Variants in SPATA13 observed in about 807,000 individuals in gnomAD.
SPATA13 encodes spermatogenesis-associated protein 13.
In SPATA13, 50 loss-of-function variants were observed where a neutral mutation model predicts 104.0. The ratio of observed to expected loss-of-function variants is 0.48; its 90% CI spans 0.38 to 0.61. The LOEUF (loss-of-function observed/expected upper bound fraction) is 0.61, where lower values mean the gene tolerates loss of function less well. Ranked by LOEUF, SPATA13 falls within the 20% of genes least tolerant of loss-of-function variation. The probability of loss-of-function intolerance (pLI) is 0.00; values close to 1 mark genes in which losing one functional copy is unlikely to be tolerated. For synonymous variants in SPATA13, 606 were observed against 667.5 expected (o/e 0.91, Z 1.42); for missense variants, 1,524 against 1,690.6 (o/e 0.90, Z 1.73).
At chr13:24,053,857 T>C (rs1004922380) in intron 3 of SPATA13, among the ~76,000 whole-genome samples, 2 of 152,240 alleles carry the variant, frequency 1.3e-5, no homozygotes, top group African/African-American at 4.8e-5. Flanking sequence ...GAATGGATTC[T>C]TGTTAATGCC....
intron 1 of SPATA13, among the ~76,000 whole-genome samples, chr13:24,192,172 G>T (rs990048490): frequency 6.6e-6 from 1 of 152,052 alleles, no homozygotes; most frequent in African/African-American, 2.4e-5. Flanking sequence ...CTCATAGGGG[G>T]CACAAAAGCA....
At chr13:24,007,531 A>ACTGCGACCT (rs528902950) in intron 2 of SPATA13, among the ~76,000 whole-genome samples, 10 of 152,204 alleles carry the variant, frequency 6.6e-5, no homozygotes, top group Non-Finnish European at 1.0e-4. Flanking sequence ...AACTTGGCCC[A>ACTGCGACCT]CTGCGACCTC....
At chr13:24,280,738 A>T (rs901517731) in intron 4 of SPATA13, among the ~76,000 whole-genome samples, 6 of 152,044 alleles carry the variant, frequency 3.9e-5, no homozygotes, top group African/African-American at 1.5e-4. Context: ...CTTTGTCTTC[A>T]GTGTTGTTTC....
At chr13:24,163,472 C>T (rs928758750) in intron 1 of SPATA13, among the ~76,000 whole-genome samples, 25 of 152,168 alleles carry the variant, frequency 1.6e-4, no homozygotes, top group African/African-American at 3.6e-4. Context: ...TTGAGAGTTC[C>T]GTTTCACTTT....
intron 3 of SPATA13, among the ~76,000 whole-genome samples, chr13:24,044,233 CTTT>C (rs67709070): frequency 0.14 from 17,235 of 122,944 alleles, 1,105 homozygotes; most frequent in Non-Finnish European, 0.17. Flanking sequence ...TTCTTTCTTT[CTTT>C]TTTTTTTTTT....
intron 3 of SPATA13, among the ~76,000 whole-genome samples, chr13:24,046,374 C>T (rs1566084491): frequency 1.3e-5 from 2 of 151,006 alleles, no homozygotes; most frequent in South Asian, 2.1e-4. Context: ...CTCACTGACA[C>T]CTCTGACTCC....
intron 3 of SPATA13, among the ~76,000 whole-genome samples, chr13:24,057,370 C>T (rs1472855461): frequency 6.6e-6 from 1 of 152,082 alleles, no homozygotes; most frequent in East Asian, 1.9e-4. Context: ...AATTTTCCCC[C>T]TCTATCTGCA....
intron 9 of SPATA13, among the ~76,000 whole-genome samples, chr13:24,293,874 A>G (rs892440499): frequency 2.6e-5 from 4 of 152,240 alleles, no homozygotes; most frequent in Admixed American, 2.0e-4. Context: ...TCTGCTTTCA[A>G]GGCTTTCCCA....
At chr13:24,006,862 G>T (rs1257378234) in intron 2 of SPATA13, among the ~76,000 whole-genome samples, 2 of 152,226 alleles carry the variant, frequency 1.3e-5, no homozygotes, top group South Asian at 4.1e-4. Context: ...GATGGTGTAG[G>T]GGGAGAGGAT....
At chr13:24,080,006 C>T (rs960939584) in intron 3 of SPATA13, among the ~76,000 whole-genome samples, 1 of 152,086 alleles carries the variant, frequency 6.6e-6, no homozygotes, top group Non-Finnish European at 1.5e-5. Context: ...AACTCCAGTG[C>T]CTCAAAATGG....
intron 3 of SPATA13, among the ~76,000 whole-genome samples, chr13:24,083,274 G>A (rs745918): frequency 0.44 from 67,449 of 152,102 alleles, 15,025 homozygotes; most frequent in East Asian, 0.51. Context: ...CTTGCAGGCC[G>A]TGAGTGACAC....
chr13:24,147,272 T>C (rs1881963580), intron 3 of SPATA13, among the ~76,000 whole-genome samples: 1 of 152,248 alleles, frequency 6.6e-6, no homozygotes, highest in Non-Finnish European at 1.5e-5. Context: ...GGAGATAGAA[T>C]GATGACCGTA....
At chr13:24,136,920 C>T (rs1881590669) in intron 3 of SPATA13, among the ~76,000 whole-genome samples, 1 of 44,204 alleles carries the variant, frequency 2.3e-5, no homozygotes, top group South Asian at 8.5e-4. Flanking sequence ...AGCTCCGCCT[C>T]CCAGGTTCAC....
chr13:24,006,256 A>G (rs964083846), intron 2 of SPATA13, among the ~76,000 whole-genome samples: 1 of 152,214 alleles, frequency 6.6e-6, no homozygotes, highest in Non-Finnish European at 1.5e-5. Context: ...TATTCCCAGT[A>G]TTCATAAGAT....
intron 4 of SPATA13, chr13:24,271,020 C>A: frequency 1.3e-6 from 1 of 746,550 alleles, no homozygotes; most frequent in South Asian, 1.5e-5. Context: ...CACTCTCTCT[C>A]ACTCTCTCTC....
chr13:24,135,851 T>A (rs1054819832), intron 3 of SPATA13, among the ~76,000 whole-genome samples: 3 of 152,094 alleles, frequency 2.0e-5, no homozygotes, highest in Non-Finnish European at 4.4e-5. Flanking sequence ...AAGCTTAGGA[T>A]CATCTGGAGT....
chr13:24,023,292 G>A (rs1188388129), intron 3 of SPATA13, among the ~76,000 whole-genome samples: 2 of 152,136 alleles, frequency 1.3e-5, no homozygotes, highest in Admixed American at 6.6e-5. Context: ...AGTATTCCAT[G>A]GTGTGTATGC....
At chr13:23,984,520 C>A (rs1160863197) in intron 2 of SPATA13, among the ~76,000 whole-genome samples, 3 of 152,182 alleles carry the variant, frequency 2.0e-5, no homozygotes, top group African/African-American at 2.4e-5. Flanking sequence ...CTGTCCTTCC[C>A]ACCGTGAGTG....
At chr13:24,179,291 C>G (rs887899536) in intron 1 of SPATA13, among the ~76,000 whole-genome samples, 2 of 152,104 alleles carry the variant, frequency 1.3e-5, no homozygotes, top group African/African-American at 4.8e-5. Flanking sequence ...GGGCATATAC[C>G]TATGCGTGGC....
Sources: allele counts gnomAD v4.1 joint callset (sites outside exome capture counted in the v4.1 genomes callset), GRCh38; gene constraint gnomAD v4.1.1; transcripts MANE v1.5; gene names NCBI Gene and HGNC (gene_info 2026-07-23, HGNC 2026-07-21).